Variants in GPRASP3 observed in about 807,000 individuals in gnomAD.
GPRASP3 encodes G protein-coupled receptor associated sorting protein family member 3, also known as G protein-coupled receptor associated sorting protein 3.
At chrX:102,735,973 A>G in the GPRASP3 span, among the ~76,000 whole-genome samples, 2 of 112,263 alleles carry the variant, frequency 1.8e-5, no homozygotes, top group Non-Finnish European at 3.8e-5. Flanking sequence ...TTAGTAAGCT[A>G]TTTTAATTAT....
At chrX:102,727,692 A>G in the GPRASP3 span, among the ~76,000 whole-genome samples, 1 of 112,588 alleles carries the variant, frequency 8.9e-6, no homozygotes, top group Non-Finnish European at 1.9e-5. Context: ...TTTAAAAACC[A>G]TGTAGTTCTC....
chrX:102,738,042 A>C, the GPRASP3 span, among the ~76,000 whole-genome samples: 2 of 111,721 alleles, frequency 1.8e-5, no homozygotes, highest in Non-Finnish European at 3.8e-5. Context: ...TAAAAGACAT[A>C]AGAGGCTAAT....
At chrX:102,737,634 T>C in the GPRASP3 span, among the ~76,000 whole-genome samples, 4 of 111,595 alleles carry the variant, frequency 3.6e-5, no homozygotes, top group African/African-American at 1.3e-4. Context: ...CTAGCGACCC[T>C]GCTTGCCACA....
At chrX:102,749,800 A>G in the GPRASP3 span, 5 of 1,209,844 alleles carry the variant, frequency 4.1e-6, no homozygotes, top group African/African-American at 8.7e-5. Context: ...CCGCCCTTCT[A>G]GGAACACTCG....
the GPRASP3 span, chrX:102,750,754 G>A: frequency 1.7e-6 from 1 of 577,981 alleles, no homozygotes; most frequent in East Asian, 3.8e-5. Context: ...ACAGGCTCTA[G>A]GTTTGAGCTA....
chrX:102,737,460 G>A, the GPRASP3 span, among the ~76,000 whole-genome samples: 1,233 of 111,965 alleles, frequency 0.011, 23 homozygotes, highest in African/African-American at 0.038. Context: ...ATTCAAGAAG[G>A]GAAGTCAGAA....
chrX:102,749,601 G>A, the GPRASP3 span: 2 of 1,211,669 alleles, frequency 1.7e-6, no homozygotes, highest in Non-Finnish European at 2.2e-6. Context: ...CTCAGCCTGT[G>A]TATGAAATTA....
chrX:102,724,916 T>C, the GPRASP3 span, among the ~76,000 whole-genome samples: 1,793 of 111,307 alleles, frequency 0.016, 13 homozygotes, highest in Non-Finnish European at 0.024. Flanking sequence ...CTTTATATAA[T>C]AGAGGCTACT....
At chrX:102,748,997 T>C in the GPRASP3 span, 4 of 1,202,791 alleles carry the variant, frequency 3.3e-6, no homozygotes, top group Admixed American at 4.5e-5. Context: ...GCTTCAACCA[T>C]GGCTGGGACT....
chrX:102,726,011 G>T, the GPRASP3 span, among the ~76,000 whole-genome samples: 8 of 112,448 alleles, frequency 7.1e-5, no homozygotes, highest in Non-Finnish European at 1.3e-4. Flanking sequence ...AAGCCTGAAT[G>T]TTTACTACTT....
the GPRASP3 span, among the ~76,000 whole-genome samples, chrX:102,727,999 C>G: frequency 9.0e-6 from 1 of 111,247 alleles, no homozygotes; most frequent in Admixed American, 9.6e-5. Context: ...TGTACAAACT[C>G]CCTTTAGAAT....
chrX:102,727,636 G>A, the GPRASP3 span, among the ~76,000 whole-genome samples: 1 of 112,323 alleles, frequency 8.9e-6, no homozygotes, highest in Non-Finnish European at 1.9e-5. Flanking sequence ...AAGCACTGAG[G>A]CTACAGCACA....
chrX:102,742,475 A>G, the GPRASP3 span, among the ~76,000 whole-genome samples: 8 of 112,390 alleles, frequency 7.1e-5, no homozygotes, highest in African/African-American at 2.6e-4. Context: ...TGGGAATAAC[A>G]TCACTGTTGA....
At chrX:102,729,705 A>G in the GPRASP3 span, among the ~76,000 whole-genome samples, 8,738 of 111,677 alleles carry the variant, frequency 0.078, 325 homozygotes, top group East Asian at 0.21. Context: ...CCCCATCTCT[A>G]CTAAAAGTAC....
chrX:102,723,112 A>C, the GPRASP3 span, among the ~76,000 whole-genome samples: 1 of 112,047 alleles, frequency 8.9e-6, no homozygotes, highest in Non-Finnish European at 1.9e-5. Flanking sequence ...TTGCATATCC[A>C]TGTGAATTAA....
chrX:102,737,742 A>C, the GPRASP3 span, among the ~76,000 whole-genome samples: 1 of 111,922 alleles, frequency 8.9e-6, no homozygotes, highest in South Asian at 3.7e-4. Flanking sequence ...TAGAAAGTTA[A>C]GGTTTGTACT....
chrX:102,726,855 A>G, the GPRASP3 span, among the ~76,000 whole-genome samples: 1 of 112,772 alleles, frequency 8.9e-6, no homozygotes, highest in African/African-American at 3.2e-5. Context: ...GACCTCCTAG[A>G]TAAGTCAGAG....
chrX:102,747,949 A>G, the GPRASP3 span: 5 of 112,045 alleles, frequency 4.5e-5, no homozygotes, highest in East Asian at 1.1e-3. Context: ...GATTGGGGTT[A>G]TGGAAAGGCT....
At chrX:102,751,783 A>G in the GPRASP3 span, 8 of 123,004 alleles carry the variant, frequency 6.5e-5, no homozygotes, top group African/African-American at 2.3e-4. Context: ...ACTTTGTTCA[A>G]TGAGTAAGAT....
Sources: allele counts gnomAD v4.1 joint callset (sites outside exome capture counted in the v4.1 genomes callset), GRCh38; gene constraint gnomAD v4.1.1; transcripts MANE v1.5; gene names NCBI Gene and HGNC (gene_info 2026-07-23, HGNC 2026-07-21).